The following ZEB1 variants were observed in gnomAD, a reference collection of about 807,000 sequenced individuals.
ZEB1 encodes the protein zinc finger E-box binding homeobox 1.
Under a neutral mutation model 84.9 loss-of-function variants are expected in ZEB1, and 21 were observed. The ratio of observed to expected loss-of-function variants is 0.25; its 90% confidence interval spans 0.18 to 0.36. The LOEUF (loss-of-function observed/expected upper bound fraction) is 0.36. Ranked by LOEUF, ZEB1 falls within the 10% of genes least tolerant of loss-of-function variation. The pLI, the probability that ZEB1 is intolerant of heterozygous loss-of-function variation, is 1.00. For missense variants in ZEB1, 1,104 were observed against 1,330.2 expected, an observed-to-expected ratio of 0.83 and a Z score of 2.65; for synonymous variants, 420 against 471.1, an observed-to-expected ratio of 0.89 and a Z score of 1.41.
intron 2 of ZEB1, among the ~76,000 whole-genome samples, chr10:31,486,127 A>G (rs2065729692): frequency 1.3e-5 from 2 of 151,940 alleles, no homozygotes; most frequent in South Asian, 2.1e-4. Flanking sequence ...TTATCCATTC[A>G]TTAGTGGAAG....
Position 31,475,071 on chromosome 10 carries a change from C to CG in ZEB1, c.259+13841dup, listed in dbSNP as rs1341892334. Among the ~76,000 whole-genome samples the CG allele has an allele frequency of 5.3e-4, 12 of 22,578 alleles. 1 individual carries two copies. Among genetic ancestry groups the CG allele is most frequent in the South Asian group, 1.6e-3 (1 of 636 alleles). The allele number at this position is 22,578 out of a possible 152,430, so 14.8% of individuals were successfully genotyped here. On this transcript the variant is annotated intron_variant, in intron 2 of 8. Transcript: ENST00000424869. The stretch of plus-strand genomic sequence containing the variant: ...CTCTGGGGACTGTTGTGGGGTGGGG[C>CG]GGGGGGGAGGGATAGCATTGGGAGA...
chr10:31,457,647 G>T (rs189814562), intron 1 of ZEB1, among the ~76,000 whole-genome samples: 51 of 152,162 alleles, frequency 3.4e-4, no homozygotes, highest in Non-Finnish European at 6.2e-4. Context: ...AGCTTATACA[G>T]GGGACAGGAA....
intron 1 of ZEB1, among the ~76,000 whole-genome samples, chr10:31,337,685 T>TAA: frequency 7.8e-6 from 1 of 128,272 alleles, no homozygotes; most frequent in African/African-American, 3.8e-5. Flanking sequence ...TTCTTTCTGT[T>TAA]TTTTTTTTTT....
At chr10:31,377,634 A>T (rs1246277360) in intron 1 of ZEB1, among the ~76,000 whole-genome samples, 1 of 151,814 alleles carries the variant, frequency 6.6e-6, no homozygotes, top group African/African-American at 2.4e-5. Flanking sequence ...CTTCTCAGAT[A>T]TTCCCACATA....
intron 2 of ZEB1, among the ~76,000 whole-genome samples, chr10:31,467,892 C>G (rs2062642147): frequency 6.6e-6 from 1 of 152,114 alleles, no homozygotes; most frequent in African/African-American, 2.4e-5. Flanking sequence ...CCTGGGATGG[C>G]ATGGCAGTCT....
At chr10:31,340,384 A>T (rs1250341317) in intron 1 of ZEB1, among the ~76,000 whole-genome samples, 1 of 152,200 alleles carries the variant, frequency 6.6e-6, no homozygotes, top group Non-Finnish European at 1.5e-5. Context: ...GCAATATAGA[A>T]ATCTGTTTTT....
chr10:31,399,445 A>G (rs1156263205), intron 1 of ZEB1, among the ~76,000 whole-genome samples: 1 of 151,978 alleles, frequency 6.6e-6, no homozygotes, highest in Non-Finnish European at 1.5e-5. Context: ...TCCTCCTTTC[A>G]TTCCACATAT....
At chr10:31,377,166 C>T (rs931993879) in intron 1 of ZEB1, among the ~76,000 whole-genome samples, 1 of 146,034 alleles carries the variant, frequency 6.8e-6, no homozygotes, top group African/African-American at 2.5e-5. Context: ...TTCAGTACTA[C>T]AAGTATGGTT....
chr10:31,449,379 C>A lies in ZEB1; in HGVS notation c.59-11658C>A, dbSNP rs192120182. Among the ~76,000 whole-genome samples, 1,391 of 152,324 alleles carry A rather than the reference C, an allele frequency of 9.1e-3. 13 individuals carry two copies. The highest frequency in any genetic ancestry group is 0.031 in the African/African-American group (1,300 of 41,580). On this transcript the variant is annotated intron_variant, in intron 1 of 8. Transcript: ENST00000424869. Reference sequence around the variant, plus strand: ...TGCAGAAATCACCCGTCTTCTGCGTCGCTCACGCTGGGAGCTGTAGACTGG... The same window carrying A: ...TGCAGAAATCACCCGTCTTCTGCGTAGCTCACGCTGGGAGCTGTAGACTGG...
At chr10:31,393,324 A>T (rs558933833) in intron 1 of ZEB1, among the ~76,000 whole-genome samples, 25 of 152,240 alleles carry the variant, frequency 1.6e-4, no homozygotes, top group Non-Finnish European at 2.9e-4. Context: ...ATAAAAAGTG[A>T]CCAGATTTTG....
At chr10:31,446,233 G>A (rs1296139719) in intron 1 of ZEB1, among the ~76,000 whole-genome samples, 4 of 152,176 alleles carry the variant, frequency 2.6e-5, no homozygotes, top group Admixed American at 2.6e-4. Context: ...TCTGATGGTA[G>A]TTTGTATTTC....
chr10:31,327,428 A>G (rs2035804027), intron 1 of ZEB1, among the ~76,000 whole-genome samples: 1 of 151,996 alleles, frequency 6.6e-6, no homozygotes, highest in Non-Finnish European at 1.5e-5. Context: ...TACTTTCTTT[A>G]CTTAGCATTG....
In ZEB1 at chr10:31,521,353, G is replaced by A. The variant is rs947165353; in HGVS notation, c.2021G>A (p.Ser674Asn). 15 of 1,613,954 alleles carry A rather than the reference G, an allele frequency of 9.3e-6. No individual in the cohort carries two copies. The highest frequency in any genetic ancestry group is 1.2e-5 in the Non-Finnish European group (14 of 1,180,016). Reference protein sequence around the residue: ...QSANANEPQDSTVNLQSPLKM... With the variant: ...QSANANEPQDNTVNLQSPLKM... ...GCAAATGCAAATGAACCCCAGGACA[G>A]CACAGTAAATCTACAAAGTCCTTTG... Residue 674 changes from serine (S) to asparagine (N), a missense_variant, in exon 7 of 9, where the codon AGC becomes AAC. Physicochemically the swap from Ser to Asn is conservative, Grantham distance 46. Transcript: ENST00000424869.
chr10:31,407,521 G>C (rs978604526), intron 1 of ZEB1, among the ~76,000 whole-genome samples: 5 of 151,944 alleles, frequency 3.3e-5, no homozygotes, highest in African/African-American at 1.2e-4. Flanking sequence ...TTGGTTCCAA[G>C]TCTTTGCTAT....
At chr10:31,360,291 C>A (rs1400948744) in intron 1 of ZEB1, among the ~76,000 whole-genome samples, 1 of 152,126 alleles carries the variant, frequency 6.6e-6, no homozygotes, top group African/African-American at 2.4e-5. Context: ...GGAATTAAAA[C>A]AGGATAATTT....
At chr10:31,525,588 C>G (rs533831444) in intron 8 of ZEB1, among the ~76,000 whole-genome samples, 1 of 152,314 alleles carries the variant, frequency 6.6e-6, no homozygotes, top group East Asian at 1.9e-4. Context: ...AATCCCCTAC[C>G]TGCTCTTCCC....
chr10:31,462,600 A>G (rs1295643541), intron 2 of ZEB1, among the ~76,000 whole-genome samples: 1 of 152,154 alleles, frequency 6.6e-6, no homozygotes, highest in Non-Finnish European at 1.5e-5. Flanking sequence ...TTCAGGCAAA[A>G]GAGGCAACAT....
rs145460998 is a variant in ZEB1, at chr10:31,461,597, A to G, written c.259+360A>G. 3.1e-3 allele frequency among the ~76,000 whole-genome samples: 476 copies of G among 152,288 alleles called. 5 individuals are homozygous for G. The highest frequency in any genetic ancestry group is 7.8e-3 in the Admixed American group (120 of 15,292). On this transcript the variant is annotated intron_variant, in intron 2 of 8. Transcript: ENST00000424869. ...ATAGATATAGTGAAATTATAATTCA[A>G]TATGCAAAAATCCCAAACACATATA...
intron 1 of ZEB1, among the ~76,000 whole-genome samples, chr10:31,416,959 C>G (rs1460810949): frequency 1.3e-5 from 2 of 152,118 alleles, no homozygotes; most frequent in African/African-American, 4.8e-5. Flanking sequence ...GTCCCTGGCT[C>G]TCATCTTTTT....
Sources: gnomAD v4.1 joint callset for allele counts (sites outside exome capture counted in the v4.1 genomes callset) on GRCh38, gnomAD v4.1.1 for gene constraint, MANE v1.5 for transcripts, NCBI Gene and HGNC (gene_info 2026-07-23, HGNC 2026-07-21) for gene names.